Variants in VPS41 observed in about 807,000 individuals in gnomAD.
The protein encoded by VPS41 is VPS41 subunit of HOPS complex.
A neutral mutation model predicts 130.9 loss-of-function variants in VPS41; 85 were observed. The observed-to-expected ratio is 0.65, with a 90% CI of 0.55 to 0.78. VPS41 has a LOEUF of 0.78. Ranked by LOEUF, VPS41 falls within the 30% of genes least tolerant of loss-of-function variation. VPS41 has a pLI of 0.00. For synonymous variants in VPS41, 335 were observed against 332.9 expected (o/e 1.01, Z -0.07); for missense variants, 874 against 1,018.7 (o/e 0.86, Z 1.93).
In VPS41 at chr7:38,877,792, T is replaced by G. The variant is rs574002484; in HGVS notation, c.61-8539A>C. Among the ~76,000 whole-genome samples the G allele has an allele frequency of 2.6e-5, 4 of 152,260 alleles. No individual in the cohort carries two copies. The South Asian group carries it at 8.3e-4, about 32-fold the overall frequency. ...ACTGACACATTTGTTGAATCTAAAT[T>G]CCTGACATATTCTGATTTGTTTCAA... On this transcript the variant is annotated intron_variant, in intron 2 of 28. Coordinates refer to ENST00000310301, the MANE Select transcript of VPS41 (RefSeq NM_014396.4).
At chr7:38,739,904 T>G (rs1035560035) in intron 25 of VPS41, among the ~76,000 whole-genome samples, 2 of 152,254 alleles carry the variant, frequency 1.3e-5, no homozygotes, top group Admixed American at 6.5e-5. Context: ...AGTAGATATT[T>G]TTATGTTAGG....
chr7:38,906,569 G>T (rs1295793681), intron 1 of VPS41, among the ~76,000 whole-genome samples: 1 of 151,880 alleles, frequency 6.6e-6, no homozygotes, highest in African/African-American at 2.4e-5. Flanking sequence ...GAACTCCTGG[G>T]CTCAAACAAT....
intron 6 of VPS41, among the ~76,000 whole-genome samples, chr7:38,819,278 C>T: frequency 6.6e-6 from 1 of 152,228 alleles, no homozygotes; most frequent in Non-Finnish European, 1.5e-5. Flanking sequence ...GTCTAGGACT[C>T]TTCCAAGATT....
At chr7:38,883,024 C>T (rs905126429) in intron 2 of VPS41, among the ~76,000 whole-genome samples, 3 of 152,136 alleles carry the variant, frequency 2.0e-5, no homozygotes, top group African/African-American at 7.2e-5. Context: ...AGATGGATTA[C>T]TTGAGGTCAG....
At chr7:38,847,644 A>G (rs1287986002) in intron 4 of VPS41, among the ~76,000 whole-genome samples, 1 of 152,196 alleles carries the variant, frequency 6.6e-6, no homozygotes, top group Non-Finnish European at 1.5e-5. Flanking sequence ...AAAGCCAAAC[A>G]TATAGCAGAC....
intron 7 of VPS41, among the ~76,000 whole-genome samples, chr7:38,814,932 C>G (rs1785012449): frequency 6.6e-6 from 1 of 152,192 alleles, no homozygotes; most frequent in Admixed American, 6.5e-5. Flanking sequence ...CAGCAGACAT[C>G]TTAGAACCTG....
chr7:38,756,315 T>A (rs531578947), intron 19 of VPS41, among the ~76,000 whole-genome samples: 2 of 151,898 alleles, frequency 1.3e-5, no homozygotes, highest in African/African-American at 4.8e-5. Context: ...GGGGCGTAAA[T>A]TTATTATTAG....
intron 25 of VPS41, among the ~76,000 whole-genome samples, chr7:38,737,703 A>G (rs1203149255): frequency 6.6e-6 from 1 of 152,206 alleles, no homozygotes; most frequent in Non-Finnish European, 1.5e-5. Flanking sequence ...GATCACCACA[A>G]TAACACAAGT....
intron 28 of VPS41, among the ~76,000 whole-genome samples, chr7:38,726,580 A>G (rs1795549134): frequency 6.6e-6 from 1 of 152,204 alleles, no homozygotes; most frequent in South Asian, 2.1e-4. Context: ...AAATGATAGC[A>G]TCATGGAACA....
intron 25 of VPS41, among the ~76,000 whole-genome samples, chr7:38,733,704 T>A (rs1452820453): frequency 6.6e-6 from 1 of 152,026 alleles, no homozygotes; most frequent in Non-Finnish European, 1.5e-5. Context: ...TTGAAACATC[T>A]CTATGAAATA....
intron 4 of VPS41, among the ~76,000 whole-genome samples, chr7:38,834,903 A>C (rs1016342219): frequency 2.0e-5 from 3 of 151,862 alleles, no homozygotes; most frequent in African/African-American, 7.2e-5. Flanking sequence ...AATATCTTTT[A>C]TTTTACTTTT....
chr7:38,838,173 G>A (rs1383482919), intron 4 of VPS41, among the ~76,000 whole-genome samples: 4 of 151,582 alleles, frequency 2.6e-5, no homozygotes, highest in African/African-American at 4.9e-5. Flanking sequence ...AATGCCTTAC[G>A]TACATCTACC....
chr7:38,747,772 T>A (rs1033877775), intron 22 of VPS41, among the ~76,000 whole-genome samples: 4 of 152,210 alleles, frequency 2.6e-5, no homozygotes, highest in African/African-American at 7.2e-5. Flanking sequence ...AATTGTGACA[T>A]GTGGTTGGTG....
rs995313340 is a variant in VPS41 at position 38,723,312 on chromosome 7, T to G, written c.*2934A>C. On this transcript the variant is annotated 3_prime_UTR_variant, in exon 29 of 29. Transcript: ENST00000310301. ...AATGAACTACAAATCTGTTGGAAAC[T>G]TCTCAAAAATTCTCAAGGATGAACA... 1.3e-5 allele frequency: 2 copies of G among 152,156 alleles called. No homozygotes were observed. Among genetic ancestry groups the G allele is most frequent in the African/African-American group, 4.8e-5 (2 of 41,436 alleles). The allele number at this position is 152,156 out of a possible 1,614,324, so 9.4% of individuals were successfully genotyped here.
chr7:38,783,834 C>G (rs1379660543), intron 10 of VPS41, among the ~76,000 whole-genome samples: 1 of 152,064 alleles, frequency 6.6e-6, no homozygotes, highest in Admixed American at 6.6e-5. Flanking sequence ...TCCAATAATT[C>G]CCAACTAGGT....
At chr7:38,826,331 CA>C (rs1201226770) in intron 5 of VPS41, among the ~76,000 whole-genome samples, 1 of 152,128 alleles carries the variant, frequency 6.6e-6, no homozygotes, top group East Asian at 1.9e-4. Flanking sequence ...ACAAATCAAA[CA>C]AAAACATAGC....
At chr7:38,754,497 C>A (rs915825526) in intron 21 of VPS41, among the ~76,000 whole-genome samples, 2 of 152,136 alleles carry the variant, frequency 1.3e-5, no homozygotes, top group Non-Finnish European at 2.9e-5. Context: ...AATTCAACTG[C>A]CTGATCTACA....
intron 10 of VPS41, among the ~76,000 whole-genome samples, chr7:38,779,386 A>G (rs2115885271): frequency 6.6e-6 from 1 of 152,330 alleles, no homozygotes; most frequent in East Asian, 1.9e-4. Context: ...ATAGAAAACA[A>G]AATTGCAATT....
chr7:38,758,565 CTTCT>C, intron 17 of VPS41, 84 bp from the exon 18 acceptor site: 2 of 1,338,422 alleles, frequency 1.5e-6, no homozygotes, highest in Non-Finnish European at 2.0e-6. Flanking sequence ...TTTGGTCCTC[CTTCT>C]GTTTCCTGGC....
Sources: gnomAD v4.1 joint callset for allele counts (sites outside exome capture counted in the v4.1 genomes callset) on GRCh38, gnomAD v4.1.1 for gene constraint, MANE v1.5 for transcripts, NCBI Gene and HGNC (gene_info 2026-07-23, HGNC 2026-07-21) for gene names.